Variants in SLC6A5 observed in about 807,000 individuals in gnomAD.
The protein encoded by SLC6A5 is sodium- and chloride-dependent glycine transporter 2.
Under a neutral mutation model 90.5 loss-of-function variants are expected in SLC6A5, and 58 were observed. The observed-to-expected ratio is 0.64, with a 90% confidence interval of 0.52 to 0.80. The LOEUF is 0.80. Among genes scored for constraint, SLC6A5 ranks in the 30% least tolerant of loss-of-function variants. The pLI, the probability that SLC6A5 is intolerant of heterozygous loss-of-function variation, is 0.00. For missense variants in SLC6A5, 1,015 were observed against 1,017.6 expected (o/e 1.00, Z 0.03); for synonymous variants, 427 against 401.4 (o/e 1.06, Z -0.76).
chr11:20,610,965 T>C (rs1461468495), intron 5 of SLC6A5, among the ~76,000 whole-genome samples: 1 of 152,190 alleles, frequency 6.6e-6, no homozygotes, highest in Non-Finnish European at 1.5e-5. Flanking sequence ...GACAGAAGTA[T>C]TGTTATAATC....
Position 20,653,760 on chromosome 11 carries a change from C to T in SLC6A5, c.2239-953C>T, listed in dbSNP as rs151300195. On this transcript the variant is annotated intron_variant, in intron 15 of 15. Coordinates refer to ENST00000525748, the MANE Select transcript of SLC6A5 (RefSeq NM_004211.5). Reference sequence around the variant, plus strand: ...GCTTCCAGAGATGGTTCACTTCTGCCGCACATAAGCCTCCCCACCAACTGA... The same window carrying T: ...GCTTCCAGAGATGGTTCACTTCTGCTGCACATAAGCCTCCCCACCAACTGA... Among the ~76,000 whole-genome samples the T allele has an allele frequency of 2.6e-4, 40 of 152,304 alleles. 1 individual carries two copies. In the East Asian group the frequency reaches 6.8e-3, roughly 26 times the overall value.
At chr11:20,632,769 C>T (rs1442502492) in intron 10 of SLC6A5, among the ~76,000 whole-genome samples, 1 of 152,156 alleles carries the variant, frequency 6.6e-6, no homozygotes, top group Non-Finnish European at 1.5e-5. Flanking sequence ...CAACCTGAGC[C>T]CCACTTCCTC....
intron 7 of SLC6A5, among the ~76,000 whole-genome samples, chr11:20,624,761 A>C (rs1291464549): frequency 6.6e-6 from 1 of 152,184 alleles, no homozygotes; most frequent in East Asian, 1.9e-4. Context: ...CAGCCTCTCA[A>C]GTGTCTTTTA....
intron 10 of SLC6A5, among the ~76,000 whole-genome samples, chr11:20,631,782 C>T (rs1853114120): frequency 6.6e-6 from 1 of 152,178 alleles, no homozygotes; most frequent in South Asian, 2.1e-4. Context: ...GGGCAGTTAT[C>T]TTCCTTCAAG....
intron 13 of SLC6A5, among the ~76,000 whole-genome samples, chr11:20,644,904 C>G (rs1314348731): frequency 6.6e-6 from 1 of 151,828 alleles, no homozygotes. Flanking sequence ...CTCTGCCTCC[C>G]GGGTTCAAAT....
chr11:20,655,008 T>C lies in SLC6A5; in HGVS notation c.*140T>C. ...ACATCCACGCATGAGAGTGATTATG[T>C]AGAAAAGTAGGCATAGTGTCGCATG... On this transcript the variant is annotated 3_prime_UTR_variant, in exon 16 of 16. Coordinates refer to ENST00000525748, the MANE Select transcript of SLC6A5 (RefSeq NM_004211.5). 1.1e-6 allele frequency: 1 copy of C among 934,160 alleles called. No homozygotes were observed. The highest frequency in any genetic ancestry group is 1.7e-5 in the Admixed American group (1 of 58,000). The allele number at this position is 934,160 out of a possible 1,614,324, so 57.9% of individuals were successfully genotyped here. A position where few individuals can be genotyped will look rare whatever the true frequency, so the allele number is the denominator to read the frequency against.
At chr11:20,623,192 A>G (rs946190134) in intron 7 of SLC6A5, among the ~76,000 whole-genome samples, 17 of 152,210 alleles carry the variant, frequency 1.1e-4, no homozygotes, top group Non-Finnish European at 1.8e-4. Context: ...GCAGTGTCAC[A>G]GTGGAGAGAA....
chr11:20,615,148 A>G (rs1353263554), intron 6 of SLC6A5, among the ~76,000 whole-genome samples: 2 of 152,252 alleles, frequency 1.3e-5, no homozygotes, highest in South Asian at 2.1e-4. Context: ...ACTTGGCTTC[A>G]GGGAAGAGAG....
chr11:20,607,609 T>A lies in SLC6A5; in HGVS notation c.942T>A (p.Pro314=), dbSNP rs759697161. The change falls in exon 5 of 16, where the codon CCT becomes CCA. Residue 314 remains proline, a synonymous_variant. Coordinates refer to ENST00000525748, the MANE Select transcript of SLC6A5 (RefSeq NM_004211.5). The part of the protein sequence containing the change: ...SVLPWGSCNN[P]WNTPECKDKT... ...TACCCTGGGGCTCCTGCAACAACCC[T>A]TGGAATACGCCAGAATGCAAAGATA... 4.3e-6 allele frequency: 7 copies of A among 1,614,044 alleles called. No homozygotes were observed. The highest frequency in any genetic ancestry group is 1.3e-5 in the African/African-American group (1 of 74,914).
intron 5 of SLC6A5, among the ~76,000 whole-genome samples, chr11:20,613,221 C>T (rs1009873643): frequency 2.6e-5 from 4 of 152,158 alleles, no homozygotes; most frequent in African/African-American, 9.7e-5. Context: ...AATAACAGTA[C>T]CTTCTCATAG....
At chr11:20,652,762 C>A (rs1203462263) in intron 15 of SLC6A5, among the ~76,000 whole-genome samples, 1 of 152,168 alleles carries the variant, frequency 6.6e-6, no homozygotes, top group African/African-American at 2.4e-5. Flanking sequence ...TCCCCTTATC[C>A]ACAGTTTAAA....
intron 6 of SLC6A5, 81 bp downstream of exon 6, chr11:20,614,901 G>A: frequency 7.3e-7 from 1 of 1,373,200 alleles, no homozygotes; most frequent in Non-Finnish European, 1.0e-6. Flanking sequence ...CAGACCAGAG[G>A]TGTGGGTAGC....
At chr11:20,637,577 T>C (rs1853233777) in intron 12 of SLC6A5, among the ~76,000 whole-genome samples, 1 of 152,126 alleles carries the variant, frequency 6.6e-6, no homozygotes, top group African/African-American at 2.4e-5. Context: ...ATAGGTGCAG[T>C]GGCGCATGTC....
At chr11:20,641,047 A>G (rs1311413992) in intron 13 of SLC6A5, among the ~76,000 whole-genome samples, 6 of 152,246 alleles carry the variant, frequency 3.9e-5, no homozygotes, top group Non-Finnish European at 7.3e-5. Flanking sequence ...TCAAGTCAAC[A>G]TGCCTCAATG....
At chr11:20,605,712 G>A (rs983069344) in intron 3 of SLC6A5, among the ~76,000 whole-genome samples, 1 of 152,232 alleles carries the variant, frequency 6.6e-6, no homozygotes, top group Non-Finnish European at 1.5e-5. Context: ...GAAGAGCGGC[G>A]GGGCAGATCT....
intron 5 of SLC6A5, among the ~76,000 whole-genome samples, chr11:20,610,254 G>C (rs1292547226): frequency 6.6e-6 from 1 of 152,208 alleles, no homozygotes; most frequent in African/African-American, 2.4e-5. Flanking sequence ...ATTCCCTCGC[G>C]GGTGGACCCG....
At chr11:20,637,473 T>G (rs1253002085) in intron 12 of SLC6A5, among the ~76,000 whole-genome samples, 170 bp downstream of exon 12, 1 of 152,164 alleles carries the variant, frequency 6.6e-6, no homozygotes, top group Non-Finnish European at 1.5e-5. Flanking sequence ...GAGGGAAATA[T>G]GTCATCTTGG....
At chr11:20,605,884 C>G (rs1458394728) in intron 3 of SLC6A5, among the ~76,000 whole-genome samples, 1 of 152,226 alleles carries the variant, frequency 6.6e-6, no homozygotes, top group Non-Finnish European at 1.5e-5. Context: ...AGCAGGACCC[C>G]GGTTTTACTG....
At chr11:20,621,201 TG>T (rs1273174468) in intron 7 of SLC6A5, among the ~76,000 whole-genome samples, 28 of 152,160 alleles carry the variant, frequency 1.8e-4, no homozygotes, top group Admixed American at 2.0e-4. Flanking sequence ...TTTCATATAG[TG>T]GGGGAAAAAA....
Sources: gnomAD v4.1 joint callset for allele counts (sites outside exome capture counted in the v4.1 genomes callset) on GRCh38, gnomAD v4.1.1 for gene constraint, MANE v1.5 for transcripts, NCBI Gene and HGNC (gene_info 2026-07-23, HGNC 2026-07-21) for gene names.